Variants in KCTD1 observed in about 807,000 individuals in gnomAD.
KCTD1 encodes potassium channel tetramerization domain containing 1, also known as BTB/POZ domain-containing protein KCTD1.
Under a neutral mutation model 66.0 loss-of-function variants are expected in KCTD1, and 24 were observed. The observed-to-expected ratio is 0.36, with a 90% CI of 0.26 to 0.51. The LOEUF (loss-of-function observed/expected upper bound fraction) is 0.51, where lower values mean the gene tolerates loss of function less well. Among genes scored for constraint, KCTD1 ranks in the 20% least tolerant of loss-of-function variants. The pLI is 0.95. For missense variants in KCTD1, 943 were observed against 1,205.2 expected (o/e 0.78, Z 3.22); for synonymous variants, 511 against 517.2 (o/e 0.99, Z 0.16).
chr18:26,532,417 C>T (rs186121752), intron 1 of KCTD1, among the ~76,000 whole-genome samples: 3 of 151,602 alleles, frequency 2.0e-5, no homozygotes, highest in African/African-American at 7.3e-5. Flanking sequence ...ACATGCACTC[C>T]CACACCCAGC....
At chr18:26,549,107 C>T, upstream of KCTD1, 1 of 984,844 alleles carries the variant, frequency 1.0e-6, no homozygotes, top group Non-Finnish European at 1.2e-6. Flanking sequence ...CGGAGCGGAG[C>T]GGAGCAGGCA....
intron 1 of KCTD1, among the ~76,000 whole-genome samples, chr18:26,650,111 T>C (rs1360664020): frequency 6.6e-6 from 1 of 152,176 alleles, no homozygotes; most frequent in Non-Finnish European, 1.5e-5. Context: ...AGGACCATCT[T>C]TGAGGCAACG....
At chr18:26,607,503 A>G (rs1176162297) in intron 1 of KCTD1, among the ~76,000 whole-genome samples, 4 of 152,246 alleles carry the variant, frequency 2.6e-5, no homozygotes, top group Admixed American at 2.6e-4. Flanking sequence ...TAGGATGTTA[A>G]GCATATGTAA....
At chr18:26,489,662 TA>T (rs1238917429) in intron 2 of KCTD1, among the ~76,000 whole-genome samples, 4 of 152,210 alleles carry the variant, frequency 2.6e-5, no homozygotes, top group African/African-American at 9.6e-5. Flanking sequence ...GTTGGCCTGA[TA>T]AAAAACATTT....
chr18:26,463,098 A>C (rs1980526339), intron 3 of KCTD1, among the ~76,000 whole-genome samples: 1 of 152,192 alleles, frequency 6.6e-6, no homozygotes, highest in Admixed American at 6.5e-5. Flanking sequence ...AAGCCACTCA[A>C]GAGTGTGCTA....
chr18:26,514,424 A>C (rs3898815), intron 1 of KCTD1, among the ~76,000 whole-genome samples: 3 of 151,714 alleles, frequency 2.0e-5, no homozygotes, highest in Non-Finnish European at 2.9e-5. Context: ...TAGTGGTCTC[A>C]GCCTACAGTC....
intron 1 of KCTD1, among the ~76,000 whole-genome samples, chr18:26,521,036 T>TA (rs1286829584): frequency 1.3e-5 from 2 of 152,174 alleles, no homozygotes; most frequent in Admixed American, 6.5e-5. Flanking sequence ...GAGGAAAGCT[T>TA]ACATTTTAGC....
Position 26,476,464 on chromosome 18 carries a change from AT to A in KCTD1, c.2133+50del. ...AACTAGAAATATTTTTTTGGAGCAC[AT>A]AAAAAAATCACATATTTATGCTATT... On this transcript the variant is annotated intron_variant, in intron 3 of 4. Coordinates refer to ENST00000580059, the MANE Select transcript of KCTD1 (RefSeq NM_001142730.3). This position sits in a 1 kb window ranked among gnomAD's most constrained non-coding sequence, Gnocchi z 4.9. 6.5e-7 allele frequency: 1 copy of A among 1,539,634 alleles called. No homozygotes were observed. Among genetic ancestry groups the A allele is most frequent in the Non-Finnish European group, 8.8e-7 (1 of 1,140,386 alleles).
chr18:26,542,440 A>C (rs1452031285), intron 1 of KCTD1, among the ~76,000 whole-genome samples: 1 of 152,232 alleles, frequency 6.6e-6, no homozygotes, highest in Non-Finnish European at 1.5e-5. Context: ...GTTTACATGT[A>C]CGTTCCTAAG....
At chr18:26,550,448 G>C (rs7242381), upstream of KCTD1, among the ~76,000 whole-genome samples, 148,935 of 152,178 alleles carry the variant, frequency 0.98, 72,968 homozygotes, top group Middle Eastern at 1. The surrounding 1 kb of genome is among the most constrained non-coding windows in gnomAD (Gnocchi z 5.4). Flanking sequence ...CCGCGTGCCT[G>C]CCCGGCCCTG....
intron 1 of KCTD1, among the ~76,000 whole-genome samples, chr18:26,517,702 A>G (rs1290218641): frequency 6.6e-6 from 1 of 151,270 alleles, no homozygotes; most frequent in African/African-American, 2.4e-5. Flanking sequence ...TCCCTGCACA[A>G]GCTATCCTCT....
chr18:26,600,611 G>C (rs1182292211), intron 1 of KCTD1, among the ~76,000 whole-genome samples: 1 of 152,044 alleles, frequency 6.6e-6, no homozygotes, highest in East Asian at 1.9e-4. Flanking sequence ...AGTGTGTCCT[G>C]AAGAAGCCCT....
chr18:26,460,083 G>GCATT lies in KCTD1; in HGVS notation c.2134-162_2134-159dup, dbSNP rs376911878. ...CGACATGTTTGTAGAGGCTCAATTT[G>GCATT]CATTCATTCATTCATTCATTCATTC... On this transcript the variant is annotated intron_variant, in intron 3 of 4. Coordinates refer to ENST00000580059, the MANE Select transcript of KCTD1 (RefSeq NM_001142730.3). Among the ~76,000 whole-genome samples, 384 of 152,216 alleles carry GCATT rather than the reference G, an allele frequency of 2.5e-3. 5 individuals are homozygous for GCATT. The highest frequency in any genetic ancestry group is 6.8e-3 in the Middle Eastern group (2 of 294).
In KCTD1 at chr18:26,548,335, C is replaced by T. The variant is rs1162523028; in HGVS notation, c.202G>A (p.Glu68Lys). Residue 68 changes from glutamate (E) to lysine (K), a missense_variant, in exon 1 of 5, where the codon GAG (glutamate) becomes AAG (lysine). Glu to Lys is a moderately conservative substitution (Grantham distance 56). Coordinates refer to ENST00000580059, the MANE Select transcript of KCTD1 (RefSeq NM_001142730.3). ...EEEEEEDEIQ[E>K]VQITGDEEEE... Reference sequence around the variant, plus strand: ...TCCTCGTCCCCCGTTATCTGCACCTCCTGGATCTCGTCCTCCTCCTCCTCT... The same window carrying T: ...TCCTCGTCCCCCGTTATCTGCACCTTCTGGATCTCGTCCTCCTCCTCCTCT... 6.7e-7 allele frequency: 1 copy of T among 1,495,240 alleles called. No homozygotes were observed. Among genetic ancestry groups the T allele is most frequent in the Admixed American group, 2.1e-5 (1 of 48,600 alleles). 92.6% of individuals were successfully genotyped at this position (1,495,240 alleles called of 1,614,324 possible).
intron 1 of KCTD1, among the ~76,000 whole-genome samples, chr18:26,525,449 C>T (rs1234552598): frequency 1.3e-5 from 2 of 152,192 alleles, no homozygotes; most frequent in Non-Finnish European, 2.9e-5. Flanking sequence ...TGAGGTCCAA[C>T]TAACTGCTCC....
chr18:26,540,105 T>C (rs998485001), intron 1 of KCTD1, among the ~76,000 whole-genome samples: 1 of 152,076 alleles, frequency 6.6e-6, no homozygotes, highest in Admixed American at 6.6e-5. Flanking sequence ...AGGATGGGGA[T>C]TGAATGGGGA....
upstream of KCTD1, among the ~76,000 whole-genome samples, chr18:26,644,673 A>G (rs1374529037): frequency 6.6e-6 from 1 of 151,736 alleles, no homozygotes; most frequent in African/African-American, 2.4e-5. Context: ...CAGGAGAATC[A>G]CTTGAACCTG....
chr18:26,507,161 G>A (rs142874170), intron 1 of KCTD1, among the ~76,000 whole-genome samples: 6 of 152,214 alleles, frequency 3.9e-5, no homozygotes, highest in Non-Finnish European at 8.8e-5. Context: ...GCAAAACTCC[G>A]TCTCAATAAT....
intron 1 of KCTD1, among the ~76,000 whole-genome samples, chr18:26,656,818 G>C (rs1201165026): frequency 2.7e-5 from 4 of 150,254 alleles, no homozygotes; most frequent in South Asian, 4.2e-4. Flanking sequence ...GCGGCGCTGG[G>C]CGCTCTCGGC....
Sources: allele counts gnomAD v4.1 joint callset (sites outside exome capture counted in the v4.1 genomes callset), GRCh38; gene constraint gnomAD v4.1.1; non-coding constraint Gnocchi (gnomAD v3.1); transcripts MANE v1.5; gene names NCBI Gene and HGNC (gene_info 2026-07-23, HGNC 2026-07-21).